Variants in AKR1E2 observed in about 807,000 individuals in gnomAD.
The protein encoded by AKR1E2 is aldo-keto reductase family 1 member E2.
Under a neutral mutation model 41.9 loss-of-function variants are expected in AKR1E2, and 43 were observed. The observed-to-expected ratio is 1.03, with a 90% CI of 0.80 to 1.32. The LOEUF (loss-of-function observed/expected upper bound fraction) is 1.32. Among genes scored for constraint, AKR1E2 ranks in the 40% most tolerant of loss-of-function variants. AKR1E2 has a pLI of 0.00. For synonymous variants in AKR1E2, 121 were observed against 138.9 expected (o/e 0.87, Z 0.91); for missense variants, 423 against 396.5 (o/e 1.07, Z -0.57).
upstream of AKR1E2, among the ~76,000 whole-genome samples, chr10:4,825,955 A>G (rs1342541832): frequency 6.6e-6 from 1 of 152,192 alleles, no homozygotes; most frequent in African/African-American, 2.4e-5. Context: ...ATGCCAGCCG[A>G]TTGTAAAACC....
At chr10:4,830,609 G>C in intron 1 of AKR1E2, 66 bp from the exon 2 acceptor site, 1 of 1,581,338 alleles carries the variant, frequency 6.3e-7, no homozygotes, top group South Asian at 1.1e-5. Flanking sequence ...ATGCTTGGGT[G>C]AAAGGGGAGA....
the AKR1E2 span, among the ~76,000 whole-genome samples, chr10:4,868,960 C>T: frequency 6.6e-6 from 1 of 152,130 alleles, no homozygotes; most frequent in South Asian, 2.1e-4. Flanking sequence ...AGGATGTTCA[C>T]ATCTATATTT....
chr10:4,844,838 G>T (rs542262492), intron 8 of AKR1E2, among the ~76,000 whole-genome samples: 212 of 152,122 alleles, frequency 1.4e-3, no homozygotes, highest in African/African-American at 4.8e-3. Context: ...CCAGTCAGGA[G>T]CCTAGCTGGC....
At chr10:4,846,398 A>T (rs1221580585) in intron 8 of AKR1E2, among the ~76,000 whole-genome samples, 4 of 152,172 alleles carry the variant, frequency 2.6e-5, no homozygotes, top group Non-Finnish European at 5.9e-5. Context: ...AGAAAAATGG[A>T]TCACTCAGAA....
rs577395860 is a variant in AKR1E2, at chr10:4,834,126, C to T, written c.324+660C>T. On this transcript the variant is annotated intron_variant, in intron 3 of 9. Transcript: ENST00000298375. ...GCCCTGGGCTGTGATGACAGCCTGCCTGGGCAAGGGCCTGATCACACAGTT... is the reference window on the plus strand; with the variant it reads ...GCCCTGGGCTGTGATGACAGCCTGCTTGGGCAAGGGCCTGATCACACAGTT... 2.0e-5 allele frequency among the ~76,000 whole-genome samples: 3 copies of T among 152,328 alleles called. No individual in the cohort carries two copies. The South Asian group carries it at 6.2e-4, about 32-fold the overall frequency.
In AKR1E2 at chr10:4,826,249, C is replaced by T. The variant is rs535148546; in HGVS notation, c.-76C>T. The T allele has an allele frequency of 4.8e-5, 56 of 1,169,568 alleles. 1 individual carries two copies. In the East Asian group the frequency reaches 1.3e-3, roughly 27 times the overall value. 72.4% of individuals were successfully genotyped at this position (1,169,568 alleles called of 1,614,324 possible). On this transcript the variant is annotated 5_prime_UTR_variant, in exon 1 of 10. Transcript: ENST00000298375. ...GCCAGTCGCAACGGCGGGTCGCCAG[C>T]GCCGCAGTAGCTCGCGCGGTGCCTG...
the AKR1E2 span, among the ~76,000 whole-genome samples, chr10:4,861,375 C>T: frequency 6.6e-6 from 1 of 152,000 alleles, no homozygotes; most frequent in African/African-American, 2.4e-5. Context: ...TCTTCTTCTT[C>T]TTTTTCTTTT....
rs79720474 is a variant in AKR1E2 at position 4,833,263 on chromosome 10, C to T, written c.208-87C>T. ...CATCTCATCTTGGCTATTTTGGGTT[C>T]AAGACAGTAGCTTTGTGGGGCTACA... On this transcript the variant is annotated intron_variant, in intron 2 of 9. Coordinates refer to ENST00000298375, the MANE Select transcript of AKR1E2 (RefSeq NM_001040177.3). 0.028 allele frequency: 30,682 copies of T among 1,087,292 alleles called. 558 individuals carry two copies. Among genetic ancestry groups the T allele is most frequent in the East Asian group, 0.065 (2,733 of 42,352 alleles). 67.4% of individuals were successfully genotyped at this position (1,087,292 alleles called of 1,614,324 possible).
In AKR1E2 at chr10:4,826,239, G is replaced by T. The variant is rs902745802; in HGVS notation, c.-86G>T. ...GGCACTTCCAGCCAGTCGCAACGGC[G>T]GGTCGCCAGCGCCGCAGTAGCTCGC... On this transcript the variant is annotated 5_prime_UTR_variant, in exon 1 of 10. Transcript: ENST00000298375. 7.2e-6 allele frequency: 8 copies of T among 1,105,648 alleles called. No individual in the cohort carries two copies. The highest frequency in any genetic ancestry group is 9.2e-6 in the Non-Finnish European group (8 of 871,666). 68.5% of individuals were successfully genotyped at this position (1,105,648 alleles called of 1,614,324 possible). A position where few individuals can be genotyped will look rare whatever the true frequency, so the allele number is the denominator to read the frequency against.
the AKR1E2 span, among the ~76,000 whole-genome samples, chr10:4,861,431 C>T: frequency 9.9e-5 from 15 of 152,046 alleles, no homozygotes; most frequent in Admixed American, 3.9e-4. Flanking sequence ...AGTGCAATGG[C>T]GTGATCTTGG....
chr10:4,854,583 A>T, the AKR1E2 span, among the ~76,000 whole-genome samples: 3 of 152,084 alleles, frequency 2.0e-5, no homozygotes, highest in African/African-American at 7.2e-5. Context: ...AACTTTGGGT[A>T]AGTGGTGGGT....
chr10:4,828,280 G>A (rs1832704161), intron 1 of AKR1E2, among the ~76,000 whole-genome samples: 1 of 152,200 alleles, frequency 6.6e-6, no homozygotes, highest in Admixed American at 6.5e-5. Flanking sequence ...CGGTTAGTTA[G>A]GGAGTGTTCT....
In AKR1E2 at chr10:4,836,129, C is replaced by T. The variant is rs117018602; in HGVS notation, c.459+320C>T. The stretch of plus-strand genomic sequence containing the variant: ...CAGAAAATACAGGAGAGTTCTTCTG[C>T]ATTAAACTAACATTAAAAATTTTAT... On this transcript the variant is annotated intron_variant, in intron 4 of 9. Transcript: ENST00000298375. Among the ~76,000 whole-genome samples, 5,301 of 152,206 alleles carry T rather than the reference C, an allele frequency of 0.035. 148 individuals carry two copies. Among genetic ancestry groups the T allele is most frequent in the East Asian group, 0.11 (590 of 5,168 alleles).
chr10:4,854,094 T>TTTG, the AKR1E2 span, among the ~76,000 whole-genome samples: 55 of 140,238 alleles, frequency 3.9e-4, 1 homozygote, highest in African/African-American at 5.2e-4. Flanking sequence ...TGTTTTTTTT[T>TTTG]TTTTTTTTTT....
At chr10:4,854,086 T>G in the AKR1E2 span, among the ~76,000 whole-genome samples, 6 of 66,528 alleles carry the variant, frequency 9.0e-5, no homozygotes, top group East Asian at 1.0e-3. Flanking sequence ...TCCTTTACTG[T>G]TTTTTTTTTT....
the AKR1E2 span, among the ~76,000 whole-genome samples, chr10:4,872,562 T>G: frequency 6.6e-6 from 1 of 152,294 alleles, no homozygotes; most frequent in Non-Finnish European, 1.5e-5. Flanking sequence ...TATTGTTGAT[T>G]AATATTACTG....
intron 3 of AKR1E2, 36 bp downstream of exon 3, chr10:4,833,502 A>G (rs1315723001): frequency 1.3e-6 from 2 of 1,553,788 alleles, no homozygotes; most frequent in African/African-American, 1.4e-5. Flanking sequence ...TGCAGTTTGC[A>G]GGACCTTCCT....
chr10:4,844,680 G>C (rs945471915), intron 8 of AKR1E2, among the ~76,000 whole-genome samples: 15 of 152,338 alleles, frequency 9.8e-5, no homozygotes, highest in African/African-American at 3.6e-4. Flanking sequence ...AGAGTAGCTA[G>C]ATACAGAGTG....
rs1162969685 is a variant in AKR1E2 at position 4,833,459 on chromosome 10, GT to G, written c.320del (p.Phe107SerfsTer10). 3.7e-6 allele frequency: 6 copies of G among 1,613,432 alleles called. No homozygotes were observed. Among genetic ancestry groups the G allele is most frequent in the Non-Finnish European group, 5.1e-6 (6 of 1,179,372 alleles). ...CTCTACCTCATACACTGGCCCATGG[GT>G]TTCAAGGTACCGTTCAGTAGGTAGT... ...LDLYLIHWPM[G>X]FKPPHPEWIM... On this transcript the variant is annotated frameshift_variant, in exon 3 of 10. Coordinates refer to ENST00000298375, the MANE Select transcript of AKR1E2 (RefSeq NM_001040177.3). LOFTEE classifies it high-confidence loss of function.
Sources: allele counts gnomAD v4.1 joint callset (sites outside exome capture counted in the v4.1 genomes callset), GRCh38; gene constraint gnomAD v4.1.1; transcripts MANE v1.5; gene names NCBI Gene and HGNC (gene_info 2026-07-23, HGNC 2026-07-21).